ARHGAP26: variants seen among roughly 807,000 people sequenced by gnomAD.
ARHGAP26 encodes Rho GTPase activating protein 26, also known as rho GTPase-activating protein 26.
A neutral mutation model predicts 104.8 loss-of-function variants in ARHGAP26; 38 were observed. The observed-to-expected ratio is 0.36, with a 90% CI of 0.28 to 0.48. The LOEUF (loss-of-function observed/expected upper bound fraction) is 0.48, where lower values mean the gene tolerates loss of function less well. Among genes scored for constraint, ARHGAP26 ranks in the 20% least tolerant of loss-of-function variants. The pLI is 0.99. For synonymous variants in ARHGAP26, 341 were observed against 340.0 expected (o/e 1.00, Z -0.03); for missense variants, 704 against 947.9 (o/e 0.74, Z 3.38).
In ARHGAP26 at chr5:143,109,115, A is replaced by G. The variant is rs1163906521; in HGVS notation, c.1539-11873A>G. On this transcript the variant is annotated intron_variant, in intron 17 of 22. Coordinates refer to ENST00000645722, the MANE Select transcript of ARHGAP26 (RefSeq NM_001135608.3). ...TTCAATGGACTCTACAAATATTAAT[A>G]TTGGTGCTGATCATGGGTGGCTATT... Among the ~76,000 whole-genome samples the G allele has an allele frequency of 2.0e-5, 3 of 152,196 alleles. 1 individual carries two copies. The highest frequency in any genetic ancestry group is 2.0e-4 in the Admixed American group (3 of 15,284).
intron 17 of ARHGAP26, among the ~76,000 whole-genome samples, chr5:143,075,848 G>A (rs1302155212): frequency 3.9e-5 from 6 of 151,974 alleles, no homozygotes; most frequent in South Asian, 2.1e-4. Flanking sequence ...ACAGGAGCAC[G>A]CCACCAGGCC....
At chr5:143,118,725 T>C (rs148619231) in intron 17 of ARHGAP26, among the ~76,000 whole-genome samples, 4,294 of 151,884 alleles carry the variant, frequency 0.028, 93 homozygotes, top group Non-Finnish European at 0.04. Context: ...TGATCTATGA[T>C]CATGCCACTG....
intron 1 of ARHGAP26, among the ~76,000 whole-genome samples, chr5:142,836,024 C>A (rs1009328324): frequency 6.6e-6 from 1 of 152,228 alleles, no homozygotes; most frequent in African/African-American, 2.4e-5. Context: ...GCCAGGGCAT[C>A]TGAATCCAGG....
At chr5:142,903,458 C>A in intron 7 of ARHGAP26, 82 bp from the exon 8 acceptor site, 1 of 1,441,142 alleles carries the variant, frequency 6.9e-7, no homozygotes, top group Non-Finnish European at 9.5e-7. Context: ...CATTTTAGAT[C>A]TAAGGATTCT....
chr5:142,995,739 A>G (rs974645394), intron 11 of ARHGAP26, among the ~76,000 whole-genome samples: 2 of 152,224 alleles, frequency 1.3e-5, no homozygotes, highest in African/African-American at 2.4e-5. Context: ...ACTATTCACA[A>G]TAACAAAGAC....
intron 1 of ARHGAP26, among the ~76,000 whole-genome samples, chr5:142,785,000 C>A (rs1474237586): frequency 6.8e-6 from 1 of 147,484 alleles, no homozygotes; most frequent in Admixed American, 6.8e-5. Context: ...GATCTCGGCT[C>A]ACTGCAAGCT....
At chr5:142,953,991 A>T (rs931355575) in intron 11 of ARHGAP26, among the ~76,000 whole-genome samples, 2 of 152,216 alleles carry the variant, frequency 1.3e-5, no homozygotes, top group African/African-American at 4.8e-5. Context: ...CCTTTGGACC[A>T]CCAAGGGACA....
In ARHGAP26 at chr5:143,192,199, C is replaced by G. The variant is rs376755516; in HGVS notation, c.1989-14999C>G. Reference sequence around the variant, plus strand: ...CCTTGAAGATTCCAAGGAGAAAGATCTAACTCACTGGAGAAAGATCAAACT... The same window carrying G: ...CCTTGAAGATTCCAAGGAGAAAGATGTAACTCACTGGAGAAAGATCAAACT... On this transcript the variant is annotated intron_variant, in intron 20 of 22. Transcript: ENST00000645722. 3.9e-5 allele frequency among the ~76,000 whole-genome samples: 6 copies of G among 152,306 alleles called. No individual in the cohort carries two copies. The South Asian group carries it at 1.2e-3, about 32-fold the overall frequency.
intron 8 of ARHGAP26, among the ~76,000 whole-genome samples, chr5:142,905,841 A>G (rs1761034796): frequency 6.6e-6 from 1 of 152,186 alleles, no homozygotes; most frequent in Admixed American, 6.5e-5. Flanking sequence ...CAAATTTAAC[A>G]TTGGTGCAAT....
intron 1 of ARHGAP26, among the ~76,000 whole-genome samples, chr5:142,837,753 T>C (rs1769878126): frequency 6.6e-6 from 1 of 152,206 alleles, no homozygotes. Context: ...TCGTCAGCCT[T>C]GGTAGAATAG....
In ARHGAP26 at chr5:142,770,722, C is replaced by G; in HGVS notation, c.-40C>G. ...CTCTGGGCGGCGGGCGGCCCGGGCC[C>G]CGGCGGAGGCGCGCCCCCCGGCTGG... On this transcript the variant is annotated 5_prime_UTR_variant, in exon 1 of 23. Transcript: ENST00000645722. 2 of 1,176,402 alleles carry G rather than the reference C, an allele frequency of 1.7e-6. No individual in the cohort carries two copies. Among genetic ancestry groups the G allele is most frequent in the Non-Finnish European group, 2.1e-6 (2 of 945,856 alleles). The allele number at this position is 1,176,402 out of a possible 1,614,324, so 72.9% of individuals were successfully genotyped here. A position where few individuals can be genotyped will look rare whatever the true frequency, so the allele number is the denominator to read the frequency against.
intron 11 of ARHGAP26, among the ~76,000 whole-genome samples, chr5:142,986,879 C>A (rs976377479): frequency 6.6e-6 from 1 of 152,154 alleles, no homozygotes; most frequent in Non-Finnish European, 1.5e-5. Context: ...TGTTTTGGTA[C>A]CAGTACCATG....
intron 1 of ARHGAP26, chr5:142,860,280 G>A (rs1313501928): frequency 3.9e-5 from 6 of 152,236 alleles, no homozygotes; most frequent in African/African-American, 1.2e-4. Flanking sequence ...CTGGTTGAAT[G>A]CCCATGAAGC....
chr5:142,942,058 A>T (rs1766438422), intron 11 of ARHGAP26, among the ~76,000 whole-genome samples: 1 of 152,126 alleles, frequency 6.6e-6, no homozygotes, highest in Non-Finnish European at 1.5e-5. Context: ...TGGCTGGCAG[A>T]GTAAGCATTC....
chr5:143,157,135 G>C (rs1423804665), intron 20 of ARHGAP26, among the ~76,000 whole-genome samples: 1 of 151,848 alleles, frequency 6.6e-6, no homozygotes, highest in Non-Finnish European at 1.5e-5. Flanking sequence ...AGGGAAGGGG[G>C]CAAGAGCTGC....
At chr5:143,114,971 C>CT in intron 17 of ARHGAP26, among the ~76,000 whole-genome samples, 1 of 152,078 alleles carries the variant, frequency 6.6e-6, no homozygotes. Context: ...AGTTTGGTGG[C>CT]TTTGCTTTGG....
At chr5:142,875,030 T>C in intron 2 of ARHGAP26, 80 bp from the exon 3 acceptor site, 1 of 1,207,760 alleles carries the variant, frequency 8.3e-7, no homozygotes, top group South Asian at 1.2e-5. Flanking sequence ...TTAAAATCCA[T>C]AACATAATAG....
At chr5:142,996,320 G>A (rs1350512033) in intron 11 of ARHGAP26, among the ~76,000 whole-genome samples, 2 of 152,164 alleles carry the variant, frequency 1.3e-5, no homozygotes, top group Admixed American at 6.5e-5. Context: ...GTGAAACTCT[G>A]TCTCTACTAA....
chr5:143,068,495 TC>T (rs1229353933), intron 17 of ARHGAP26, among the ~76,000 whole-genome samples: 8 of 152,186 alleles, frequency 5.3e-5, no homozygotes, highest in African/African-American at 1.9e-4. Context: ...GCATTCCCTT[TC>T]CTGGGACACT....
Sources: allele counts gnomAD v4.1 joint callset (sites outside exome capture counted in the v4.1 genomes callset), GRCh38; gene constraint gnomAD v4.1.1; transcripts MANE v1.5; gene names NCBI Gene and HGNC (gene_info 2026-07-23, HGNC 2026-07-21).